Variants in DMXL2 observed in about 807,000 individuals in gnomAD.
DMXL2 encodes the protein Dmx like 2.
Under a neutral mutation model 331.1 loss-of-function variants are expected in DMXL2, and 103 were observed. The ratio of observed to expected loss-of-function variants is 0.31; its 90% CI spans 0.27 to 0.37. The LOEUF (loss-of-function observed/expected upper bound fraction) is 0.37. Among genes scored for constraint, DMXL2 ranks in the 10% least tolerant of loss-of-function variants. DMXL2 has a pLI of 1.00. For missense variants in DMXL2, 3,171 were observed against 3,642.9 expected (o/e 0.87, Z 3.33); for synonymous variants, 1,281 against 1,252.1 (o/e 1.02, Z -0.49).
chr15:51,485,698 C>T (rs2042342840), intron 23 of DMXL2, among the ~76,000 whole-genome samples: 1 of 152,058 alleles, frequency 6.6e-6, no homozygotes, highest in Non-Finnish European at 1.5e-5. Context: ...CCTTTAAGTG[C>T]TTGTAATATC....
At chr15:51,594,434 A>G (rs978743792) in intron 1 of DMXL2, among the ~76,000 whole-genome samples, 1 of 152,218 alleles carries the variant, frequency 6.6e-6, no homozygotes, top group Non-Finnish European at 1.5e-5. Flanking sequence ...TAGCTTACCA[A>G]CCAAAAAAAT....
chr15:51,547,251 T>C lies in DMXL2; in HGVS notation c.725A>G (p.Lys242Arg). Residue 242 changes from lysine (K) to arginine (R), a missense_variant, in exon 7 of 44, where the codon AAA (lysine) becomes AGA (arginine). Coordinates refer to ENST00000560891, the MANE Select transcript of DMXL2 (RefSeq NM_001378457.1). ...PRAVTGFSWR[K>R]TSKYMPRGSV... ...TAACCTGGGCATATACTTGCTAGTT[T>C]TGCGCCACGAAAAACCTGTCACAGC... 1 of 1,611,440 alleles carries C rather than the reference T, an allele frequency of 6.2e-7. No homozygotes were observed. Among genetic ancestry groups the C allele is most frequent in the Non-Finnish European group, 8.5e-7 (1 of 1,178,810 alleles).
intron 1 of DMXL2, among the ~76,000 whole-genome samples, chr15:51,615,688 A>C (rs8037570): frequency 6.6e-6 from 1 of 152,194 alleles, no homozygotes; most frequent in Non-Finnish European, 1.5e-5. Context: ...GATGGGAGTT[A>C]TTATGGGAAA....
In DMXL2 at chr15:51,536,357, C is replaced by T; in HGVS notation, c.2123G>A (p.Arg708Lys). Residue 708 changes from arginine to lysine, a missense_variant, in exon 12 of 44, where the codon AGA becomes AAA. Physicochemically the swap from Arg to Lys is conservative, Grantham distance 26. Around this residue, in one of 7 missense-constraint regions of DMXL2, gnomAD observed 1,674 missense variants for 1,780.2 expected, o/e 0.94. Transcript: ENST00000560891. Reference protein sequence around the residue: ...HIKGSSKQPLRNAATRTFHDP... With the variant: ...HIKGSSKQPLKNAATRTFHDP... The stretch of plus-strand genomic sequence containing the variant: ...ATGAAATGTACGAGTTGCTGCATTT[C>T]TAAGAGGTTGTTTCGAGGAACCTTT... 1 of 1,613,764 alleles carries T rather than the reference C, an allele frequency of 6.2e-7. No homozygotes were observed. The highest frequency in any genetic ancestry group is 1.3e-5 in the African/African-American group (1 of 75,020).
intron 1 of DMXL2, among the ~76,000 whole-genome samples, chr15:51,582,985 T>C (rs1165005613): frequency 6.6e-6 from 1 of 152,046 alleles, no homozygotes; most frequent in African/African-American, 2.4e-5. Flanking sequence ...ATCTTTTATA[T>C]ATCTTCTTTT....
intron 16 of DMXL2, among the ~76,000 whole-genome samples, chr15:51,504,685 A>C (rs761785667): frequency 2.6e-4 from 39 of 152,214 alleles, no homozygotes; most frequent in Admixed American, 5.2e-4. Context: ...TAAGTAAGAA[A>C]TATTTTCACA....
At position 51,586,692 on chromosome 15, in the gene DMXL2, TA is replaced by T. The variant is rs201706414; in HGVS notation, c.88-10512del. On this transcript the variant is annotated intron_variant, in intron 1 of 43. Coordinates refer to ENST00000560891, the MANE Select transcript of DMXL2 (RefSeq NM_001378457.1). Reference sequence around the variant, plus strand: ...ACTTGTGGTCCAAACTAAGTCTATTTATATACCTCTGATAAAGAAGAAAAAC... The same window carrying T: ...ACTTGTGGTCCAAACTAAGTCTATTTTATACCTCTGATAAAGAAGAAAAAC... 7.1e-3 allele frequency among the ~76,000 whole-genome samples: 1,076 copies of T among 152,272 alleles called. 16 individuals are homozygous for T. The highest frequency in any genetic ancestry group is 0.026 in the East Asian group (134 of 5,190).
intron 1 of DMXL2, among the ~76,000 whole-genome samples, chr15:51,594,093 CA>C (rs1156434457): frequency 6.6e-6 from 1 of 152,002 alleles, no homozygotes; most frequent in South Asian, 2.1e-4. Context: ...AATAGAGACA[CA>C]AAAAACCCTT....
chr15:51,589,519 A>G (rs2052126159), intron 1 of DMXL2, among the ~76,000 whole-genome samples: 1 of 152,236 alleles, frequency 6.6e-6, no homozygotes, highest in Admixed American at 6.5e-5. Flanking sequence ...CAGGGCTTCA[A>G]AGAAAATGTG....
At chr15:51,537,876 GA>G (rs200496022) in intron 10 of DMXL2, 117 bp from the exon 11 acceptor site, 24 of 1,164,002 alleles carry the variant, frequency 2.1e-5, no homozygotes, top group East Asian at 5.5e-5. Context: ...TTTACAGTCA[GA>G]AAAAAAAACA....
intron 20 of DMXL2, among the ~76,000 whole-genome samples, chr15:51,491,239 G>A (rs1276846644): frequency 1.3e-5 from 2 of 152,130 alleles, no homozygotes; most frequent in East Asian, 1.9e-4. Context: ...TCAGGGATTC[G>A]AGACCATCCT....
chr15:51,592,435 G>A (rs961182428), intron 1 of DMXL2, among the ~76,000 whole-genome samples: 21 of 152,180 alleles, frequency 1.4e-4, no homozygotes, highest in African/African-American at 2.4e-4. Flanking sequence ...CCAAATCTAC[G>A]TCTCATTGGT....
intron 1 of DMXL2, among the ~76,000 whole-genome samples, chr15:51,602,830 T>C (rs2053321171): frequency 6.6e-6 from 1 of 152,164 alleles, no homozygotes; most frequent in African/African-American, 2.4e-5. Context: ...AACAAAAATA[T>C]CAACATTCTC....
rs1202397316 is a variant in DMXL2 at position 51,480,779 on chromosome 15, C to T, written c.6327G>A (p.Leu2109=). 1 of 1,601,928 alleles carries T rather than the reference C, an allele frequency of 6.2e-7. No homozygotes were observed. The highest frequency in any genetic ancestry group is 2.2e-5 in the East Asian group (1 of 44,716). ...SKTYSKVESD[L]LDQEEMVDKP... ...TGTCTACCATTTCTTCCTGATCCAG[C>T]AGATCACTCTCTACTTTGGAATATG... The change falls in exon 24 of 44, where the codon CTG becomes CTA. Residue 2109 remains leucine, a synonymous_variant. Coordinates refer to ENST00000560891, the MANE Select transcript of DMXL2 (RefSeq NM_001378457.1).
intron 16 of DMXL2, among the ~76,000 whole-genome samples, chr15:51,504,944 A>G (rs1298340564): frequency 6.6e-6 from 1 of 152,244 alleles, no homozygotes; most frequent in Non-Finnish European, 1.5e-5. Flanking sequence ...CAAAGACTTT[A>G]GAGTCAACAA....
intron 17 of DMXL2, among the ~76,000 whole-genome samples, chr15:51,501,838 T>C (rs2043634197): frequency 6.8e-6 from 1 of 146,544 alleles, no homozygotes; most frequent in African/African-American, 2.6e-5. Flanking sequence ...GAGAATGGCA[T>C]GAACCTGGGA....
At chr15:51,497,153 T>C (rs998582874) in intron 18 of DMXL2, among the ~76,000 whole-genome samples, 1 of 152,218 alleles carries the variant, frequency 6.6e-6, no homozygotes, top group Non-Finnish European at 1.5e-5. Context: ...AACCTCATAA[T>C]GGTTAAGATT....
intron 6 of DMXL2, among the ~76,000 whole-genome samples, chr15:51,550,638 A>C (rs2049157502): frequency 6.6e-6 from 1 of 152,194 alleles, no homozygotes; most frequent in African/African-American, 2.4e-5. Context: ...GGATACTTTA[A>C]ATTACTTGCA....
Position 51,513,910 on chromosome 15 carries a change from ATTGT to A in DMXL2, c.2644+528_2644+531del, listed in dbSNP as rs1307768438. ...TTATAAAGTTTAAACTAAACGTCAT[ATTGT>A]TTGTTTTTGAAAGGGTTAAACTACT... On this transcript the variant is annotated intron_variant, in intron 15 of 43. Coordinates refer to ENST00000560891, the MANE Select transcript of DMXL2 (RefSeq NM_001378457.1). Among the ~76,000 whole-genome samples the A allele has an allele frequency of 3.9e-5, 6 of 152,274 alleles. No homozygotes were observed. In the South Asian group the frequency reaches 1.2e-3, roughly 32 times the overall value.
Sources: allele counts gnomAD v4.1 joint callset (sites outside exome capture counted in the v4.1 genomes callset), GRCh38; gene constraint gnomAD v4.1.1; regional missense constraint gnomAD v4.1.1; transcripts MANE v1.5; gene names NCBI Gene and HGNC (gene_info 2026-07-23, HGNC 2026-07-21).